DDX27: variants seen among roughly 807,000 people sequenced by gnomAD.
DDX27 encodes the protein probable ATP-dependent RNA helicase DDX27.
In DDX27, 42 loss-of-function variants were observed where a neutral mutation model predicts 99.3. That is an observed-to-expected ratio of 0.42 (90% CI 0.33 to 0.55). DDX27 has a LOEUF of 0.55. Among genes scored for constraint, DDX27 ranks in the 20% least tolerant of loss-of-function variants. DDX27 has a pLI of 0.07. For missense variants in DDX27, 798 were observed against 976.8 expected, an observed-to-expected ratio of 0.82 and a Z score of 2.44; for synonymous variants, 329 against 353.8, an observed-to-expected ratio of 0.93 and a Z score of 0.79.
rs777922354 is a variant in DDX27, at chr20:49,228,764, ACC to A, written c.759_760del (p.Arg254ProfsTer56). The A allele has an allele frequency of 6.2e-7, 1 of 1,611,380 alleles. No homozygotes were observed. Among genetic ancestry groups the A allele is most frequent in the Non-Finnish European group, 8.5e-7 (1 of 1,178,658 alleles). ...CTGTTTTGGAGCGTCTGATTTATAA[ACC>A]CCGCCAGGCTCCAGTCACCCGCGTG... ...LPVLERLIYK[P>X]RQAPVTRVLV... On this transcript the variant is annotated frameshift_variant, in exon 8 of 21. Transcript: ENST00000618172. LOFTEE classifies it high-confidence loss of function.
At chr20:49,221,735 TA>T (rs201716772) in intron 2 of DDX27, 137 bp downstream of exon 2, 30 of 647,192 alleles carry the variant, frequency 4.6e-5, no homozygotes, top group South Asian at 1.5e-4. Flanking sequence ...AATAACTGGT[TA>T]AAAAAAAACA....
At chr20:49,235,982 A>G (rs1347735671) in intron 12 of DDX27, 168 bp from the exon 13 acceptor site, 1 of 495,656 alleles carries the variant, frequency 2.0e-6, no homozygotes, top group Non-Finnish European at 3.6e-6. Context: ...TGACCTCGTG[A>G]TCTGCCCACC....
chr20:49,239,406 C>G, intron 16 of DDX27, 68 bp downstream of exon 16: 1 of 1,188,784 alleles, frequency 8.4e-7, no homozygotes, highest in Non-Finnish European at 1.2e-6. Context: ...AGTTCCATTT[C>G]CTAGTTCTAT....
intron 8 of DDX27, 63 bp downstream of exon 8, chr20:49,228,951 G>A: frequency 7.0e-7 from 1 of 1,433,928 alleles, no homozygotes; most frequent in Non-Finnish European, 9.3e-7. Context: ...GGATGGATGT[G>A]CCCCGCCATC....
Position 49,233,230 on chromosome 20 carries a change from G to A in DDX27, c.1032-76G>A, listed in dbSNP as rs902052403. 1.5e-4 allele frequency: 148 copies of A among 995,956 alleles called. 1 individual carries two copies. Among genetic ancestry groups the A allele is most frequent in the Middle Eastern group, 2.1e-4 (1 of 4,878 alleles). The allele number at this position is 995,956 out of a possible 1,614,324, so 61.7% of individuals were successfully genotyped here. On this transcript the variant is annotated intron_variant, in intron 9 of 20. Coordinates refer to ENST00000618172, the MANE Select transcript of DDX27 (RefSeq NM_017895.8). ...TAACCAATGACAACAAACAGCAGCC[G>A]GTATGCAATCCCGTGTCCCTCACTG...
chr20:49,222,112 G>A (rs1042887961), intron 2 of DDX27, among the ~76,000 whole-genome samples: 1 of 151,964 alleles, frequency 6.6e-6, no homozygotes, highest in Non-Finnish European at 1.5e-5. Flanking sequence ...TCCTTACTCT[G>A]ATTGAAGTAA....
At chr20:49,222,878 A>G (rs1979740012) in intron 2 of DDX27, 79 bp from the exon 3 acceptor site, 1 of 1,281,162 alleles carries the variant, frequency 7.8e-7, no homozygotes, top group Non-Finnish European at 1.1e-6. Context: ...TTCTTTTTCA[A>G]GTTAATTATG....
At position 49,234,955 on chromosome 20, in the gene DDX27, A is replaced by C; in HGVS notation, c.1294A>C (p.Thr432Pro). The C allele has an allele frequency of 6.2e-7, 1 of 1,608,624 alleles. No individual in the cohort carries two copies. Among genetic ancestry groups the C allele is most frequent in the South Asian group, 1.1e-5 (1 of 90,440 alleles). The change falls in exon 12 of 21, where the codon ACT becomes CCT. Residue 432 changes from threonine (T) to proline (P), a missense_variant. Thr to Pro is a conservative substitution (Grantham distance 38). Transcript: ENST00000618172. Reference protein sequence around the residue: ...IVAALLTRTFTDHVMLFTQTK... With the variant: ...IVAALLTRTFPDHVMLFTQTK... The stretch of plus-strand genomic sequence containing the variant: ...GCCAGCTTTGTTGACGAGGACCTTC[A>C]CTGACCATGTGATGCTGTTCACGCA...
intron 1 of DDX27, among the ~76,000 whole-genome samples, chr20:49,220,087 TCAGC>T (rs1653614172): frequency 6.6e-6 from 1 of 152,154 alleles, no homozygotes; most frequent in Non-Finnish European, 1.5e-5. Context: ...CTTCAAACAT[TCAGC>T]CCAGATGTTG....
Position 49,236,524 on chromosome 20 carries a change from C to T in DDX27, c.1687+14C>T, listed in dbSNP as rs1234711922. Reference sequence around the variant, plus strand: ...TACTTCCCCAAGGTGAGCAGGCACCCCTGTGGCAGTGCAGAATGGCTCGGT... The same window carrying T: ...TACTTCCCCAAGGTGAGCAGGCACCTCTGTGGCAGTGCAGAATGGCTCGGT... On this transcript the variant is annotated intron_variant, in intron 14 of 20. Transcript: ENST00000618172. The surrounding 1 kb of genome is among the most constrained non-coding windows in gnomAD (Gnocchi z 4.1). 4 of 1,558,422 alleles carry T rather than the reference C, an allele frequency of 2.6e-6. No individual in the cohort carries two copies. The African/African-American group carries it at 5.5e-5, about 21-fold the overall frequency.
intron 7 of DDX27, 46 bp downstream of exon 7, chr20:49,226,581 A>G (rs776882258): frequency 6.9e-7 from 1 of 1,439,718 alleles, no homozygotes; most frequent in South Asian, 1.2e-5. Context: ...TGTTACGGCC[A>G]GGGCTGGGCT....
At chr20:49,223,471 G>T in intron 4 of DDX27, 38 bp downstream of exon 4, 6 of 1,567,104 alleles carry the variant, frequency 3.8e-6, no homozygotes, top group Non-Finnish European at 5.2e-6. Flanking sequence ...ATGGGGACAG[G>T]AGATCAGAAG....
chr20:49,235,255 G>T, intron 12 of DDX27, 167 bp downstream of exon 12: 1 of 724,968 alleles, frequency 1.4e-6, no homozygotes, highest in Non-Finnish European at 2.1e-6. Flanking sequence ...TGTCTTAGAT[G>T]TGTTTAGAAC....
Position 49,241,898 on chromosome 20 carries a change from A to G in DDX27, c.1903A>G (p.Lys635Glu). 6.2e-7 allele frequency: 1 copy of G among 1,614,212 alleles called. No individual in the cohort carries two copies. ...ATGCTTTCTTCTCATCCCAGTTGCC[A>G]AAGCTCTGCAGGAATTTGACTTGGC... ...KEERKKEKIA[K>E]ALQEFDLALR... The change falls in exon 17 of 21, where the codon AAA becomes GAA. Residue 635 changes from lysine (K) to glutamate (E), a missense_variant. Coordinates refer to ENST00000618172, the MANE Select transcript of DDX27 (RefSeq NM_017895.8).
Position 49,238,967 on chromosome 20 carries a change from G to A in DDX27, c.1706G>A (p.Arg569Gln), listed in dbSNP as rs1338754853. ...CATTGAGATGTCATCCTCAAATTCC[G>A]GGACAAGATTGAGAAAATGGAGAAA... is the stretch of plus-strand genomic sequence containing the variant. ...ILPQDVILKF[R>Q]DKIEKMEKDV... is the part of the protein sequence containing the mutation. Residue 569 changes from arginine to glutamine, a missense_variant, in exon 15 of 21, where the codon CGG (arginine) becomes CAG (glutamine). Arg to Gln is a conservative substitution (Grantham distance 43). This residue lies in a region of DDX27 where 553 missense variants were observed against 727.9 expected (regional missense o/e 0.76). Coordinates refer to ENST00000618172, the MANE Select transcript of DDX27 (RefSeq NM_017895.8). The A allele has an allele frequency of 3.1e-6, 5 of 1,613,736 alleles. No individual in the cohort carries two copies. The highest frequency in any genetic ancestry group is 4.5e-5 in the East Asian group (2 of 44,880).
intron 7 of DDX27, among the ~76,000 whole-genome samples, chr20:49,226,889 G>A (rs1979912388): frequency 2.4e-5 from 2 of 81,726 alleles, no homozygotes; most frequent in South Asian, 7.8e-4. Flanking sequence ...TTGAGACGGA[G>A]TCTCGCTCTG....
chr20:49,223,072 C>T (rs376397024), intron 3 of DDX27, 56 bp downstream of exon 3: 42 of 1,523,334 alleles, frequency 2.8e-5, no homozygotes, highest in Middle Eastern at 3.4e-4. Context: ...ACTCTCACCA[C>T]GACCCCAGCA....
chr20:49,226,925 G>C (rs369813201), intron 7 of DDX27, among the ~76,000 whole-genome samples: 22 of 130,890 alleles, frequency 1.7e-4, no homozygotes, highest in African/African-American at 2.0e-4. Flanking sequence ...TGCAGTGGCG[G>C]GATCTCGGCT....
Position 49,228,695 on chromosome 20 carries a change from C to T in DDX27, c.707-20C>T. The T allele has an allele frequency of 6.4e-7, 1 of 1,574,398 alleles. No individual in the cohort carries two copies. The highest frequency in any genetic ancestry group is 8.7e-7 in the Non-Finnish European group (1 of 1,152,786). On this transcript the variant is annotated intron_variant, in intron 7 of 20. Coordinates refer to ENST00000618172, the MANE Select transcript of DDX27 (RefSeq NM_017895.8). ...GAGCTAAACTTCTTCTCATTGCTTC[C>T]TTGCTGTCCCTCCCTCCAGGTAAAA... is the stretch of plus-strand genomic sequence containing the variant.
Sources: gnomAD v4.1 joint callset for allele counts (sites outside exome capture counted in the v4.1 genomes callset) on GRCh38, gnomAD v4.1.1 for gene constraint, gnomAD v4.1.1 regional missense constraint, Gnocchi (gnomAD v3.1) non-coding constraint, MANE v1.5 for transcripts, NCBI Gene and HGNC (gene_info 2026-07-23, HGNC 2026-07-21) for gene names.